COL9A3: variants seen among roughly 807,000 people sequenced by gnomAD.
COL9A3 encodes collagen alpha-3(IX) chain.
In COL9A3, 82 loss-of-function variants were observed where a neutral mutation model predicts 110.2. That is an observed-to-expected ratio of 0.74 (90% CI 0.62 to 0.89). COL9A3 has a LOEUF of 0.89. Ranked by LOEUF, COL9A3 falls within the 40% of genes least tolerant of loss-of-function variation. The pLI, the probability that COL9A3 is intolerant of heterozygous loss-of-function variation, is 0.00. For missense variants in COL9A3, 1,066 were observed against 981.3 expected (o/e 1.09, Z -1.15); for synonymous variants, 494 against 403.8 (o/e 1.22, Z -2.68).
Position 62,822,172 on chromosome 20 carries a change from C to A in COL9A3, c.477+8C>A. The stretch of plus-strand genomic sequence containing the variant: ...GGACCTCCCGGACCCCCTGTAAGTA[C>A]TGGGCAGAGGCTCTAAGAAGTGCTG... On this transcript the variant is annotated splice_region_variant and intron_variant, in intron 9 of 31. Coordinates refer to ENST00000649368, the MANE Select transcript of COL9A3 (RefSeq NM_001853.4). 1.9e-6 allele frequency: 3 copies of A among 1,552,066 alleles called. No homozygotes were observed. The highest frequency in any genetic ancestry group is 2.7e-6 in the Non-Finnish European group (3 of 1,124,172).
chr20:62,827,530 G>C (rs774086556), intron 16 of COL9A3, among the ~76,000 whole-genome samples: 1 of 152,252 alleles, frequency 6.6e-6, no homozygotes, highest in Non-Finnish European at 1.5e-5. Context: ...AGCGGCCCAC[G>C]AGCCGGGTGG....
chr20:62,832,149 T>C lies in COL9A3; in HGVS notation c.1288-5T>C, dbSNP rs741758. 569,759 of 1,603,270 alleles carry C rather than the reference T, an allele frequency of 0.36. 105,074 individuals are homozygous for C. The highest frequency in any genetic ancestry group is 0.48 in the African/African-American group (35,492 of 74,676). On this transcript the variant is annotated splice_polypyrimidine_tract_variant and splice_region_variant and intron_variant, in intron 24 of 31. Coordinates refer to ENST00000649368, the MANE Select transcript of COL9A3 (RefSeq NM_001853.4). ...TCTAATCCAGAGCCTTCTCTCCACA[T>C]CCAGGGTCCGGGAGGTGCCGCAGGC... is the stretch of plus-strand genomic sequence containing the variant.
intron 5 of COL9A3, among the ~76,000 whole-genome samples, chr20:62,820,416 T>C (rs922272665): frequency 6.6e-6 from 1 of 152,224 alleles, no homozygotes; most frequent in Non-Finnish European, 1.5e-5. Flanking sequence ...TTTCTCCCCT[T>C]GTGGCTTCTG....
intron 22 of COL9A3, 26 bp from the exon 23 acceptor site, chr20:62,830,334 G>A (rs1383539476): frequency 4.5e-6 from 7 of 1,561,830 alleles, no homozygotes; most frequent in Admixed American, 1.9e-5. Flanking sequence ...TGAGACATCC[G>A]CTCACACCTC....
upstream of COL9A3, among the ~76,000 whole-genome samples, chr20:62,816,767 A>G (rs1403882674): frequency 1.3e-5 from 2 of 152,148 alleles, no homozygotes; most frequent in African/African-American, 4.8e-5. Context: ...CAAGGAGAGA[A>G]AAGAGCGTCT....
intron 5 of COL9A3, 95 bp from the exon 6 acceptor site, chr20:62,821,086 G>T: frequency 7.8e-7 from 1 of 1,288,950 alleles, no homozygotes; most frequent in East Asian, 2.4e-5. Flanking sequence ...CTGTTGTCCT[G>T]GGAGTTGGAG....
rs2249766 is a variant in COL9A3 at position 62,827,195 on chromosome 20, A to T, written c.793-46A>T. 0.48 allele frequency: 770,732 copies of T among 1,605,714 alleles called. 192,344 individuals are homozygous for T. The highest frequency in any genetic ancestry group is 0.8 in the African/African-American group (60,159 of 74,842). Reference sequence around the variant, plus strand: ...GGGCCCCCGTCCTACTCTCCGACCAACTCCATGGTGTTAACTCTGTCCCTG... The same window carrying T: ...GGGCCCCCGTCCTACTCTCCGACCATCTCCATGGTGTTAACTCTGTCCCTG... On this transcript the variant is annotated intron_variant, in intron 15 of 31. Transcript: ENST00000649368.
intron 26 of COL9A3, 22 bp downstream of exon 26, chr20:62,833,086 C>G (rs766412608): frequency 6.2e-7 from 1 of 1,601,394 alleles, no homozygotes; most frequent in East Asian, 2.2e-5. Context: ...GGTAACCTCA[C>G]TGTTACCAAC....
chr20:62,838,746 G>C lies in COL9A3; in HGVS notation c.1849G>C (p.Asp617His), dbSNP rs2147231822. Residue 617 changes from aspartate (D) to histidine (H), a missense_variant, in exon 31 of 32, where the codon GAC becomes CAC. Asp to His is a moderately conservative substitution (Grantham distance 81). Coordinates refer to ENST00000649368, the MANE Select transcript of COL9A3 (RefSeq NM_001853.4). ...AGCAGGGCTGGACGGGCCTGAAGGA[G>C]ACCAGGGGCCCCAAGGTACGAGTCC... ...AGAGLDGPEG[D>H]QGPQGPQGVP... 2 of 1,551,978 alleles carry C rather than the reference G, an allele frequency of 1.3e-6. No homozygotes were observed. The highest frequency in any genetic ancestry group is 1.7e-4 in the Middle Eastern group (1 of 5,948).
At chr20:62,822,195 CT>C in intron 9 of COL9A3, 31 bp downstream of exon 9, 1 of 1,365,630 alleles carries the variant, frequency 7.3e-7, no homozygotes, top group Non-Finnish European at 1.0e-6. Flanking sequence ...CTAAGAAGTG[CT>C]GGGCATGGAC....
chr20:62,816,975 G>C (rs1990940855), upstream of COL9A3: 1 of 680,594 alleles, frequency 1.5e-6, no homozygotes, highest in Non-Finnish European at 2.0e-6. Context: ...GGCGGGGGCG[G>C]GAAGGGGAAG....
chr20:62,840,348 C>G (rs574391477), intron 31 of COL9A3, among the ~76,000 whole-genome samples, 194 bp from the exon 32 acceptor site: 1 of 152,056 alleles, frequency 6.6e-6, no homozygotes, highest in Non-Finnish European at 1.5e-5. Flanking sequence ...GCCTGGCCTT[C>G]CCCGGACACT....
Position 62,828,994 on chromosome 20 carries a change from G to A in COL9A3, c.1008+18G>A, listed in dbSNP as rs376582356. On this transcript the variant is annotated intron_variant, in intron 19 of 31. Transcript: ENST00000649368. ...GGCTGCCGGTGAGTGCCCGGCGGGT[G>A]GGGCCAGCCTGGGGCGCCACAGCTT... 25 of 1,589,602 alleles carry A rather than the reference G, an allele frequency of 1.6e-5. No homozygotes were observed. In the African/African-American group the frequency reaches 2.8e-4, roughly 18 times the overall value.
At chr20:62,840,411 C>T (rs1168147406) in intron 31 of COL9A3, 131 bp from the exon 32 acceptor site, 68 of 891,374 alleles carry the variant, frequency 7.6e-5, no homozygotes, top group Middle Eastern at 3.3e-4. Context: ...TCGGCCTCCC[C>T]ACCCGCTGTG....
At position 62,827,265 on chromosome 20, in the gene COL9A3, G is replaced by A. The variant is rs959254431; in HGVS notation, c.817G>A (p.Glu273Lys). 2.7e-5 allele frequency: 43 copies of A among 1,613,182 alleles called. No homozygotes were observed. The highest frequency in any genetic ancestry group is 3.4e-5 in the Non-Finnish European group (40 of 1,179,974). The change falls in exon 16 of 32, where the codon GAA becomes AAA. Residue 273 changes from glutamate (E) to lysine (K), a missense_variant. Glu to Lys is a moderately conservative substitution (Grantham distance 56). Transcript: ENST00000649368. ...KAGDRGERGP[E>K]GFRGPKGDLG... ...GGGTGACCGAGGCGAGAGGGGCCCAGAAGGGTTCCGCGGCCCCAAGGGTGA... is the reference window on the plus strand; with the variant it reads ...GGGTGACCGAGGCGAGAGGGGCCCAAAAGGGTTCCGCGGCCCCAAGGGTGA...
intron 20 of COL9A3, 53 bp from the exon 21 acceptor site, chr20:62,829,575 C>A: frequency 6.2e-7 from 1 of 1,610,432 alleles, no homozygotes; most frequent in Non-Finnish European, 8.5e-7. Flanking sequence ...GGGCCAGCGA[C>A]CTGGCCCCAG....
Position 62,840,836 on chromosome 20 carries a change from C to T in COL9A3, c.*104C>T, listed in dbSNP as rs879027083. The stretch of plus-strand genomic sequence containing the variant: ...GGGTGACGTCCAGGAGAGGGAGCGC[C>T]CCTGGCTGCCCCTCGGCCGCCGACT... On this transcript the variant is annotated 3_prime_UTR_variant, in exon 32 of 32. Transcript: ENST00000649368. 2 of 1,358,064 alleles carry T rather than the reference C, an allele frequency of 1.5e-6. No individual in the cohort carries two copies. The highest frequency in any genetic ancestry group is 1.5e-5 in the African/African-American group (1 of 68,944). The allele number at this position is 1,358,064 out of a possible 1,614,324, so 84.1% of individuals were successfully genotyped here.
At position 62,826,235 on chromosome 20, in the gene COL9A3, C is replaced by T. The variant is rs868069878; in HGVS notation, c.716C>T (p.Pro239Leu). Residue 239 changes from proline (P) to leucine (L), a missense_variant, in exon 14 of 32, where the codon CCA (proline) becomes CTA (leucine). Physicochemically the swap from Pro to Leu is moderately conservative, Grantham distance 98. Transcript: ENST00000649368. ...CGGGGATTACGAGGACTGCCAGGGC[C>T]ACTCGGGCCCCCTGGGGACCGGGTA... ...GPRGLRGLPG[P>L]LGPPGDRGPI... is the part of the protein sequence containing the mutation. 1.9e-6 allele frequency: 3 copies of T among 1,558,984 alleles called. No individual in the cohort carries two copies. The highest frequency in any genetic ancestry group is 1.8e-4 in the Middle Eastern group (1 of 5,690).
At chr20:62,837,313 G>A (rs781429271) in intron 30 of COL9A3, 48 bp downstream of exon 30, 2 of 1,583,510 alleles carry the variant, frequency 1.3e-6, no homozygotes, top group South Asian at 2.2e-5. Flanking sequence ...AAAAATCCCT[G>A]AGACTGACTT....
Sources: gnomAD v4.1 joint callset for allele counts (sites outside exome capture counted in the v4.1 genomes callset) on GRCh38, gnomAD v4.1.1 for gene constraint, MANE v1.5 for transcripts, NCBI Gene and HGNC (gene_info 2026-07-23, HGNC 2026-07-21) for gene names.